Variants in WDFY3 observed in about 807,000 individuals in gnomAD.
WDFY3 encodes the protein WD repeat and FYVE domain-containing protein 3.
Under a neutral mutation model 409.6 loss-of-function variants are expected in WDFY3, and 66 were observed. That is an observed-to-expected ratio of 0.16 (90% CI 0.13 to 0.20). The LOEUF (loss-of-function observed/expected upper bound fraction) is 0.20. Among genes scored for constraint, WDFY3 ranks in the 10% least tolerant of loss-of-function variants. WDFY3 has a pLI of 1.00. For synonymous variants in WDFY3, 1,521 were observed against 1,537.1 expected (o/e 0.99, Z 0.25); for missense variants, 3,031 against 4,298.1 (o/e 0.71, Z 8.24).
chr4:84,808,221 AAAAC>A, intron 15 of WDFY3, 109 bp downstream of exon 15: 10 of 934,486 alleles, frequency 1.1e-5, no homozygotes, highest in Non-Finnish European at 1.1e-5. Context: ...AAAACAAAAC[AAAAC>A]AAAAAAAAAC....
At chr4:84,872,614 T>C (rs887289612) in intron 3 of WDFY3, among the ~76,000 whole-genome samples, 1 of 152,074 alleles carries the variant, frequency 6.6e-6, no homozygotes, top group African/African-American at 2.4e-5. Flanking sequence ...ATGACAGATA[T>C]TTATCCTACT....
At position 84,739,381 on chromosome 4, in the gene WDFY3, A is replaced by AT. The variant is rs2149215585; in HGVS notation, c.6465-263dup. 8.5e-6 allele frequency: 3 copies of AT among 353,988 alleles called. No individual in the cohort carries two copies. In the South Asian group the frequency reaches 1.3e-4, roughly 16 times the overall value. 21.9% of individuals were successfully genotyped at this position (353,988 alleles called of 1,614,324 possible). ...AACATGCCTTTTGATTATTGTGAAC[A>AT]TTTTTACCTAATAATTACAAAATGT... On this transcript the variant is annotated intron_variant, in intron 39 of 67. Transcript: ENST00000295888.
chr4:84,946,220 T>C (rs889191155), intron 1 of WDFY3, among the ~76,000 whole-genome samples: 1 of 152,204 alleles, frequency 6.6e-6, no homozygotes. Context: ...ATATGTAATC[T>C]GAAGTGAAAC....
chr4:84,860,321 A>AT, intron 4 of WDFY3, 91 bp downstream of exon 4: 1 of 1,396,286 alleles, frequency 7.2e-7, no homozygotes, highest in Non-Finnish European at 9.6e-7. Flanking sequence ...TCAGCCTATC[A>AT]TTTTTTTCTA....
rs869074191 is a variant in WDFY3, at chr4:84,850,928, G to GTTTTTTTTTTTTTTTTTTTTTTTTT, written c.181-928_181-904dup. ...TTCTTATTTTTAATTTTATTTATCT[G>GTTTTTTTTTTTTTTTTTTTTTTTTT]TTTTTTTTTTTTTTTTTTTTTTTTT... On this transcript the variant is annotated intron_variant, in intron 4 of 67. Transcript: ENST00000295888. Among the ~76,000 whole-genome samples, 25 of 46,248 alleles carry GTTTTTTTTTTTTTTTTTTTTTTTTT rather than the reference G, an allele frequency of 5.4e-4. 6 individuals carry two copies. Among genetic ancestry groups the GTTTTTTTTTTTTTTTTTTTTTTTTT allele is most frequent in the Non-Finnish European group, 7.0e-4 (18 of 25,878 alleles). 30.3% of individuals were successfully genotyped at this position (46,248 alleles called of 152,430 possible). A position where few individuals can be genotyped will look rare whatever the true frequency, so the allele number is the denominator to read the frequency against.
chr4:84,794,525 T>C lies in WDFY3; in HGVS notation c.3481A>G (p.Asn1161Asp). The stretch of plus-strand genomic sequence containing the variant: ...AACAAAAAAAAATACTGACCATAAT[T>C]TTGGAGGAGTTCCTCTTTGGTGGAA... ...IVSTKEELLQ[N>D]YVDDFSEESS... Residue 1161 changes from asparagine (N) to aspartate (D), a missense_variant, in exon 21 of 68, where the codon AAT becomes GAT. Coordinates refer to ENST00000295888, the MANE Select transcript of WDFY3 (RefSeq NM_014991.6). 2 of 1,613,136 alleles carry C rather than the reference T, an allele frequency of 1.2e-6. No individual in the cohort carries two copies. Among genetic ancestry groups the C allele is most frequent in the Non-Finnish European group, 1.7e-6 (2 of 1,179,734 alleles).
At chr4:84,867,121 C>T (rs1353953007) in intron 3 of WDFY3, among the ~76,000 whole-genome samples, 1 of 152,154 alleles carries the variant, frequency 6.6e-6, no homozygotes, top group Non-Finnish European at 1.5e-5. Context: ...AACATCATTT[C>T]TGTAACATGC....
intron 1 of WDFY3, among the ~76,000 whole-genome samples, chr4:84,948,391 C>T (rs1773170508): frequency 1.3e-5 from 2 of 151,924 alleles, no homozygotes; most frequent in Admixed American, 6.6e-5. Flanking sequence ...ATAAAGCAGA[C>T]TAAATGATTA....
intron 2 of WDFY3, among the ~76,000 whole-genome samples, chr4:84,898,419 GTTT>G (rs1000284480): frequency 6.6e-6 from 1 of 152,104 alleles, no homozygotes; most frequent in African/African-American, 2.4e-5. Context: ...GTAGAAAAGA[GTTT>G]TTTTGTTTGT....
intron 43 of WDFY3, 145 bp downstream of exon 43, chr4:84,734,898 T>C (rs1737183091): frequency 3.0e-6 from 2 of 670,302 alleles, no homozygotes; most frequent in South Asian, 1.9e-5. Context: ...AAGTAGCTGA[T>C]GGCAGGAATA....
intron 3 of WDFY3, among the ~76,000 whole-genome samples, chr4:84,896,241 C>T (rs1237198746): frequency 2.0e-5 from 3 of 151,132 alleles, no homozygotes; most frequent in Non-Finnish European, 4.4e-5. Context: ...GGCAACAGAG[C>T]GACACTACAT....
At chr4:84,829,657 ATTAGCTGGG>A (rs1219163494) in intron 8 of WDFY3, among the ~76,000 whole-genome samples, 2 of 151,914 alleles carry the variant, frequency 1.3e-5, no homozygotes, top group Non-Finnish European at 2.9e-5. Context: ...AAATACAAAA[ATTAGCTGGG>A]TATGGTGGCA....
At chr4:84,771,409 A>G (rs1394152075) in intron 30 of WDFY3, among the ~76,000 whole-genome samples, 1 of 152,214 alleles carries the variant, frequency 6.6e-6, no homozygotes, top group Non-Finnish European at 1.5e-5. Flanking sequence ...AAGTGTTGGG[A>G]TTACAGGTGT....
intron 17 of WDFY3, among the ~76,000 whole-genome samples, chr4:84,799,993 C>G (rs189978163): frequency 5.5e-4 from 83 of 152,228 alleles, no homozygotes; most frequent in African/African-American, 7.9e-4. Context: ...CTCTCTCTCT[C>G]TGTGTGTTTC....
chr4:84,867,862 T>C (rs1560961939), intron 3 of WDFY3, among the ~76,000 whole-genome samples: 2 of 152,026 alleles, frequency 1.3e-5, no homozygotes, highest in Admixed American at 1.3e-4. Flanking sequence ...AATCTTACAG[T>C]TTCATCAAAG....
At position 84,801,861 on chromosome 4, in the gene WDFY3, C is replaced by A; in HGVS notation, c.2611G>T (p.Ala871Ser). 6.2e-7 allele frequency: 1 copy of A among 1,613,346 alleles called. No individual in the cohort carries two copies. The highest frequency in any genetic ancestry group is 8.5e-7 in the Non-Finnish European group (1 of 1,179,448). ...GCCACGGCAAGTTGAAGATCCAAAGCATGCTAAAATCAACAAAGAAATCCA... is the reference window on the plus strand; with the variant it reads ...GCCACGGCAAGTTGAAGATCCAAAGAATGCTAAAATCAACAAAGAAATCCA... ...SVGSVTQPEH[A>S]LDLQLAVANI... is the part of the protein sequence containing the mutation. Residue 871 changes from alanine to serine, a missense_variant, in exon 17 of 68, where the codon GCT (alanine) becomes TCT (serine). Transcript: ENST00000295888.
At chr4:84,873,725 A>G (rs1361477702) in intron 3 of WDFY3, among the ~76,000 whole-genome samples, 1 of 152,094 alleles carries the variant, frequency 6.6e-6, no homozygotes, top group Non-Finnish European at 1.5e-5. Context: ...CAGTAAACTT[A>G]GTGTAAATCT....
At chr4:84,693,767 C>A (rs367800231) in intron 58 of WDFY3, among the ~76,000 whole-genome samples, 33 of 151,998 alleles carry the variant, frequency 2.2e-4, no homozygotes, top group Middle Eastern at 3.4e-3. Flanking sequence ...TGGTGGTACA[C>A]GCCTGTAGTT....
chr4:84,886,720 T>C (rs1387939199), intron 3 of WDFY3, among the ~76,000 whole-genome samples: 3 of 152,132 alleles, frequency 2.0e-5, no homozygotes, highest in South Asian at 2.1e-4. Context: ...ATTAAATAAA[T>C]TGCACAACAT....
Sources: allele counts gnomAD v4.1 joint callset (sites outside exome capture counted in the v4.1 genomes callset), GRCh38; gene constraint gnomAD v4.1.1; transcripts MANE v1.5; gene names NCBI Gene and HGNC (gene_info 2026-07-23, HGNC 2026-07-21).